Variants in SEM1 observed in about 807,000 individuals in gnomAD.
The protein encoded by SEM1 is 26S proteasome complex subunit SEM1.
Under a neutral mutation model 12.7 loss-of-function variants are expected in SEM1, and 3 were observed. The ratio of observed to expected loss-of-function variants is 0.24; its 90% CI spans 0.11 to 0.61. The LOEUF is 0.61. SEM1 is among the 20% of genes least tolerant of loss of function. The pLI is 0.88. For missense variants in SEM1, 59 were observed against 81.3 expected (o/e 0.73, Z 1.06); for synonymous variants, 30 against 27.8 (o/e 1.08, Z -0.25).
chr7:96,525,691 T>C (rs543705052), intron 2 of SEM1, among the ~76,000 whole-genome samples: 38 of 152,206 alleles, frequency 2.5e-4, no homozygotes, highest in Non-Finnish European at 3.1e-4. Context: ...AGGCTGGAAT[T>C]GGGCTGCATA....
At chr7:96,609,645 G>C (rs879517072) in intron 2 of SEM1, among the ~76,000 whole-genome samples, 2 of 152,134 alleles carry the variant, frequency 1.3e-5, no homozygotes, top group Non-Finnish European at 2.9e-5. Context: ...ACCAAAAATG[G>C]TAAGGGGAAT....
At chr7:96,553,913 C>A (rs1052300960) in intron 2 of SEM1, among the ~76,000 whole-genome samples, 2 of 152,090 alleles carry the variant, frequency 1.3e-5, no homozygotes, top group Non-Finnish European at 2.9e-5. Context: ...TCCTTCACAT[C>A]CCTTGTAAGT....
chr7:96,665,307 C>CCT (rs571283828), intron 2 of SEM1, among the ~76,000 whole-genome samples: 32 of 152,078 alleles, frequency 2.1e-4, no homozygotes, highest in Non-Finnish European at 4.1e-4. Context: ...GGGGGAAATG[C>CCT]CTATATGTTA....
intron 2 of SEM1, among the ~76,000 whole-genome samples, chr7:96,533,166 C>T (rs994009518): frequency 2.6e-5 from 4 of 152,054 alleles, no homozygotes; most frequent in African/African-American, 7.2e-5. Flanking sequence ...AACACTGTCA[C>T]GTCAGCTCAG....
chr7:96,486,378 T>C, exon 2 of SEM1: 1 of 1,537,044 alleles, frequency 6.5e-7, no homozygotes, highest in South Asian at 1.2e-5. Flanking sequence ...CTTCCCACTT[T>C]TCCTCCTTGT....
intron 2 of SEM1, among the ~76,000 whole-genome samples, chr7:96,513,261 C>G (rs1452851696): frequency 1.3e-5 from 2 of 152,066 alleles, no homozygotes; most frequent in East Asian, 3.9e-4. Flanking sequence ...CTCACAGCCC[C>G]AAGAAGGAAC....
intron 2 of SEM1, chr7:96,664,429 C>G (rs2116541643): frequency 6.6e-6 from 1 of 152,288 alleles, no homozygotes; most frequent in South Asian, 2.1e-4. Flanking sequence ...GCTTTTGGCT[C>G]CCCTCCTCCA....
At chr7:96,709,106 C>T (rs573629584) in intron 1 of SEM1, among the ~76,000 whole-genome samples, 180 of 152,280 alleles carry the variant, frequency 1.2e-3, no homozygotes, top group Middle Eastern at 0.01. Flanking sequence ...TGAGCCACCA[C>T]ACCCGGCAAG....
At chr7:96,644,919 G>A (rs1808735027) in intron 2 of SEM1, among the ~76,000 whole-genome samples, 1 of 152,094 alleles carries the variant, frequency 6.6e-6, no homozygotes, top group Non-Finnish European at 1.5e-5. Flanking sequence ...CAGATTCCAA[G>A]AGTTTTTTAA....
At chr7:96,648,799 C>T (rs903565727) in intron 2 of SEM1, among the ~76,000 whole-genome samples, 1 of 152,162 alleles carries the variant, frequency 6.6e-6, no homozygotes, top group African/African-American at 2.4e-5. Flanking sequence ...TTTTTGCAGA[C>T]GATTGCATAT....
chr7:96,705,190 G>C (rs925760885), intron 1 of SEM1, among the ~76,000 whole-genome samples: 1 of 152,148 alleles, frequency 6.6e-6, no homozygotes, highest in Non-Finnish European at 1.5e-5. Context: ...AGGGGCCAGA[G>C]GGTGGGAAGG....
chr7:96,708,505 C>A (rs538400058), intron 1 of SEM1, among the ~76,000 whole-genome samples: 1 of 152,238 alleles, frequency 6.6e-6, no homozygotes, highest in South Asian at 2.1e-4. Flanking sequence ...GATGTGTACC[C>A]CATTAACCAC....
chr7:96,591,932 G>A (rs993593924), intron 2 of SEM1, among the ~76,000 whole-genome samples: 1 of 151,614 alleles, frequency 6.6e-6, no homozygotes, highest in Non-Finnish European at 1.5e-5. Flanking sequence ...ATTCATCTCA[G>A]GTGAGTTAAC....
At chr7:96,673,620 T>C in exon 3 of SEM1, 1 of 638,390 alleles carries the variant, frequency 1.6e-6, no homozygotes, top group Non-Finnish European at 2.8e-6. Context: ...CCTGAAATGC[T>C]GTAGCACCAC....
intron 1 of SEM1, among the ~76,000 whole-genome samples, chr7:96,491,462 T>G (rs764862143): frequency 6.6e-5 from 10 of 152,218 alleles, no homozygotes; most frequent in Non-Finnish European, 1.2e-4. Context: ...GTCAGCTTTC[T>G]GAGAACTTGG....
At chr7:96,697,676 T>C (rs930765672) in intron 1 of SEM1, among the ~76,000 whole-genome samples, 1 of 152,110 alleles carries the variant, frequency 6.6e-6, no homozygotes, top group African/African-American at 2.4e-5. Context: ...CATGCAAGTA[T>C]ATACAGAACA....
At chr7:96,651,360 T>A (rs1416782776) in intron 2 of SEM1, among the ~76,000 whole-genome samples, 1 of 152,072 alleles carries the variant, frequency 6.6e-6, no homozygotes, top group African/African-American at 2.4e-5. Context: ...GGAGACAATA[T>A]GTGAGGAAGT....
At chr7:96,491,359 G>A (rs1448725587) in intron 1 of SEM1, among the ~76,000 whole-genome samples, 4 of 152,178 alleles carry the variant, frequency 2.6e-5, no homozygotes, top group African/African-American at 9.7e-5. Flanking sequence ...AGAGGCAGTG[G>A]TAGGCTTTTA....
At chr7:96,534,371 G>A (rs113134217) in intron 2 of SEM1, among the ~76,000 whole-genome samples, 3 of 152,024 alleles carry the variant, frequency 2.0e-5, no homozygotes, top group South Asian at 2.1e-4. Flanking sequence ...TGTTGATACT[G>A]CCTTATGAAA....
Sources: gnomAD v4.1 joint callset for allele counts (sites outside exome capture counted in the v4.1 genomes callset) on GRCh38, gnomAD v4.1.1 for gene constraint, MANE v1.5 for transcripts, NCBI Gene and HGNC (gene_info 2026-07-23, HGNC 2026-07-21) for gene names.